The following JAKMIP3 variants were observed in gnomAD, a reference collection of about 807,000 sequenced individuals.
JAKMIP3 encodes the protein Janus kinase and microtubule interacting protein 3.
A neutral mutation model predicts 118.5 loss-of-function variants in JAKMIP3; 58 were observed. That is an observed-to-expected ratio of 0.49 (90% CI 0.40 to 0.61). The LOEUF (loss-of-function observed/expected upper bound fraction) is 0.61, where lower values mean the gene tolerates loss of function less well. Among genes scored for constraint, JAKMIP3 ranks in the 20% least tolerant of loss-of-function variants. The pLI is 0.00. For missense variants in JAKMIP3, 950 were observed against 1,109.0 expected (o/e 0.86, Z 2.04); for synonymous variants, 486 against 451.2 (o/e 1.08, Z -0.98).
chr10:132,042,837 G>C (rs1356011515), intron 1 of JAKMIP3, among the ~76,000 whole-genome samples: 2 of 151,890 alleles, frequency 1.3e-5, no homozygotes, highest in Non-Finnish European at 2.9e-5. Context: ...CCTATAAAAG[G>C]CTTTTCCTTT....
chr10:132,122,662 G>A (rs970582471), intron 3 of JAKMIP3, among the ~76,000 whole-genome samples: 3 of 152,228 alleles, frequency 2.0e-5, no homozygotes, highest in Non-Finnish European at 4.4e-5. Context: ...GCCAGATGGA[G>A]GGAAGACAGG....
Position 132,177,754 on chromosome 10 carries a change from G to A in JAKMIP3, c.*1104-4603G>A, listed in dbSNP as rs544409391. On this transcript the variant is annotated intron_variant, in intron 23 of 23. Coordinates refer to ENST00000684848, the MANE Select transcript of JAKMIP3 (RefSeq NM_001323087.2). Reference sequence around the variant, plus strand: ...GTGTGTGTGCACACTGCATTTGGTGGTGTGTGTGCACCTGCTCCTGTGTCC... The same window carrying A: ...GTGTGTGTGCACACTGCATTTGGTGATGTGTGTGCACCTGCTCCTGTGTCC... Among the ~76,000 whole-genome samples the A allele has an allele frequency of 3.6e-4, 53 of 147,214 alleles. 1 individual carries two copies. In the South Asian group the frequency reaches 0.011, roughly 32 times the overall value.
At chr10:132,129,098 G>T (rs1205048037) in intron 3 of JAKMIP3, among the ~76,000 whole-genome samples, 3 of 152,276 alleles carry the variant, frequency 2.0e-5, no homozygotes, top group Non-Finnish European at 4.4e-5. Context: ...GTTGTCTAGA[G>T]AATGTTGAGT....
chr10:132,072,465 T>C (rs1193120692), intron 1 of JAKMIP3, among the ~76,000 whole-genome samples: 1 of 151,914 alleles, frequency 6.6e-6, no homozygotes, highest in Non-Finnish European at 1.5e-5. Flanking sequence ...ATCCCAGGAG[T>C]TCAAGGCTGC....
chr10:132,180,654 T>TGCGC lies in JAKMIP3; in HGVS notation c.*1104-1702_*1104-1701insCGCG, dbSNP rs1226150154. Among the ~76,000 whole-genome samples the TGCGC allele has an allele frequency of 1.4e-3, 33 of 24,288 alleles. 4 individuals carry two copies. Among genetic ancestry groups the TGCGC allele is most frequent in the African/African-American group, 6.2e-3 (29 of 4,696 alleles). 15.9% of individuals were successfully genotyped at this position (24,288 alleles called of 152,430 possible). ...GTGTGCGTGCGTGTGTGCGTGTGCG[T>TGCGC]GTGCGTGTGTGCGTGTGTGTGCGCG... On this transcript the variant is annotated intron_variant, in intron 23 of 23. Transcript: ENST00000684848.
At position 132,049,842 on chromosome 10, in the gene JAKMIP3, C is replaced by T. The variant is rs1397156645; in HGVS notation, c.-138+13104C>T. ...TCAGTTCTTTTTCCTGATTTTCTTCCATAGTCTTCTGTGACGTTTTTGTTT... is the reference window on the plus strand; with the variant it reads ...TCAGTTCTTTTTCCTGATTTTCTTCTATAGTCTTCTGTGACGTTTTTGTTT... On this transcript the variant is annotated intron_variant, in intron 1 of 23. Transcript: ENST00000657785. This position sits in a 1 kb window ranked among gnomAD's most constrained non-coding sequence, Gnocchi z 4.3. 6.6e-6 allele frequency among the ~76,000 whole-genome samples: 1 copy of T among 152,150 alleles called. No individual in the cohort carries two copies. The highest frequency in any genetic ancestry group is 1.5e-5 in the Non-Finnish European group (1 of 68,036).
intron 1 of JAKMIP3, among the ~76,000 whole-genome samples, chr10:132,051,542 G>C (rs1590006562): frequency 6.6e-6 from 1 of 151,930 alleles, no homozygotes; most frequent in East Asian, 1.9e-4. Flanking sequence ...TGAAGTGCCT[G>C]TTGGATTCTT....
At chr10:132,075,210 T>C (rs2040590190) in intron 1 of JAKMIP3, among the ~76,000 whole-genome samples, 1 of 152,214 alleles carries the variant, frequency 6.6e-6, no homozygotes, top group African/African-American at 2.4e-5. Flanking sequence ...AAAAATGATG[T>C]TGGTAATTTG....
chr10:132,105,155 C>T (rs77669554), intron 2 of JAKMIP3, among the ~76,000 whole-genome samples: 7,668 of 152,242 alleles, frequency 0.05, 391 homozygotes, highest in East Asian at 0.2. Context: ...TGGTGGTGAC[C>T]GCAAACCACG....
At chr10:132,121,087 G>GGACTGGGGGCAGTC (rs1439361037) in intron 3 of JAKMIP3, among the ~76,000 whole-genome samples, 2 of 152,172 alleles carry the variant, frequency 1.3e-5, no homozygotes, top group Non-Finnish European at 2.9e-5. Context: ...TGGGGACAGG[G>GGACTGGGGGCAGTC]GACTGGGGGC....
intron 1 of JAKMIP3, among the ~76,000 whole-genome samples, chr10:132,046,614 TCCA>T (rs2037926685): frequency 2.0e-5 from 3 of 152,200 alleles, no homozygotes; most frequent in Non-Finnish European, 4.4e-5. Flanking sequence ...GGCTTATTTA[TCCA>T]TTCTCCTAGT....
At chr10:132,157,929 G>A (rs2057289149) in intron 19 of JAKMIP3, among the ~76,000 whole-genome samples, 1 of 151,870 alleles carries the variant, frequency 6.6e-6, no homozygotes, top group Admixed American at 6.6e-5. Flanking sequence ...AGGTTTTATG[G>A]CATAATTTCA....
chr10:132,153,731 C>T, intron 17 of JAKMIP3, 28 bp from the exon 18 acceptor site: 1 of 1,611,824 alleles, frequency 6.2e-7, no homozygotes, highest in South Asian at 1.1e-5. Context: ...CTAGGGGTCA[C>T]TGTCCTGCTT....
chr10:132,084,393 C>T (rs1052363613), intron 1 of JAKMIP3, among the ~76,000 whole-genome samples: 2 of 152,088 alleles, frequency 1.3e-5, no homozygotes, highest in Non-Finnish European at 2.9e-5. Flanking sequence ...ATTTTGTATC[C>T]GGAAACTTTG....
At chr10:132,107,680 T>G (rs1443033655) in intron 2 of JAKMIP3, among the ~76,000 whole-genome samples, 1 of 152,188 alleles carries the variant, frequency 6.6e-6, no homozygotes, top group East Asian at 1.9e-4. Flanking sequence ...TTTTGCCAAG[T>G]GATCACAGCG....
At chr10:132,123,312 C>T (rs1388482462) in intron 3 of JAKMIP3, among the ~76,000 whole-genome samples, 2 of 152,254 alleles carry the variant, frequency 1.3e-5, no homozygotes, top group African/African-American at 4.8e-5. Context: ...ACTGCATGCA[C>T]GCTCAGCGCG....
chr10:132,092,058 T>C (rs1199734344), intron 1 of JAKMIP3, among the ~76,000 whole-genome samples: 1 of 133,772 alleles, frequency 7.5e-6, no homozygotes, highest in Non-Finnish European at 1.6e-5. Context: ...TATGAAATTC[T>C]GGGTTGAAAA....
chr10:132,169,266 G>A lies in JAKMIP3; in HGVS notation c.*1103+233G>A, dbSNP rs74907790. ...AGGGTCTGCAGACATGGTGCTCCACGGGGACCTGGCGTCTGGCAGAGCTGG... is the reference window on the plus strand; with the variant it reads ...AGGGTCTGCAGACATGGTGCTCCACAGGGACCTGGCGTCTGGCAGAGCTGG... On this transcript the variant is annotated intron_variant, in intron 23 of 23. Transcript: ENST00000684848. 5.1e-3 allele frequency among the ~76,000 whole-genome samples: 771 copies of A among 152,202 alleles called. 6 individuals carry two copies. The highest frequency in any genetic ancestry group is 0.017 in the African/African-American group (719 of 41,526).
intron 11 of JAKMIP3, chr10:132,143,630 C>T (rs558800904): frequency 6.6e-6 from 1 of 152,182 alleles, no homozygotes; most frequent in Admixed American, 6.5e-5. Context: ...CTAGAAGATA[C>T]AGAAAAGATT....
Sources: allele counts gnomAD v4.1 joint callset (sites outside exome capture counted in the v4.1 genomes callset), GRCh38; gene constraint gnomAD v4.1.1; non-coding constraint Gnocchi (gnomAD v3.1); transcripts MANE v1.5; gene names NCBI Gene and HGNC (gene_info 2026-07-23, HGNC 2026-07-21).